Variants in MIX23 observed in about 807,000 individuals in gnomAD.
MIX23 encodes the protein protein MIX23.
Under a neutral mutation model 21.6 loss-of-function variants are expected in MIX23, and 13 were observed. The ratio of observed to expected loss-of-function variants is 0.60; its 90% CI spans 0.39 to 0.96. MIX23 has a LOEUF of 0.96. Ranked by LOEUF, MIX23 falls within the 40% of genes least tolerant of loss-of-function variation. The pLI, the probability that MIX23 is intolerant of heterozygous loss-of-function variation, is 0.00. For synonymous variants in MIX23, 59 were observed against 58.0 expected, an observed-to-expected ratio of 1.02 and a Z score of -0.08; for missense variants, 144 against 171.2, an observed-to-expected ratio of 0.84 and a Z score of 0.89.
intron 1 of MIX23, among the ~76,000 whole-genome samples, chr3:122,379,712 C>T (rs549518436): frequency 2.0e-5 from 3 of 152,328 alleles, no homozygotes; most frequent in South Asian, 4.1e-4. Context: ...GAAATACACA[C>T]AGTTCAATGG....
intron 4 of MIX23, among the ~76,000 whole-genome samples, chr3:122,361,775 T>C (rs1339640221): frequency 1.3e-5 from 2 of 152,080 alleles, no homozygotes; most frequent in Non-Finnish European, 2.9e-5. Flanking sequence ...ATCATGTTGG[T>C]GGAAAGGGCA....
intron 1 of MIX23, among the ~76,000 whole-genome samples, chr3:122,382,160 A>T (rs2075538002): frequency 6.6e-6 from 1 of 152,242 alleles, no homozygotes; most frequent in South Asian, 2.1e-4. Context: ...AGAAGTACTA[A>T]ATCTAATTTT....
intron 1 of MIX23, among the ~76,000 whole-genome samples, chr3:122,380,956 C>CACGTG (rs1166684260): frequency 1.3e-5 from 2 of 152,216 alleles, no homozygotes; most frequent in Admixed American, 1.3e-4. Context: ...CCCTAACTCA[C>CACGTG]ACGTGACACA....
intron 2 of MIX23, among the ~76,000 whole-genome samples, chr3:122,371,343 A>T (rs2075440352): frequency 6.6e-6 from 1 of 152,212 alleles, no homozygotes; most frequent in African/African-American, 2.4e-5. Flanking sequence ...ACGTGCTCAC[A>T]TTCCTTGCTC....
intron 4 of MIX23, 43 bp downstream of exon 4, chr3:122,362,925 G>T: frequency 6.4e-7 from 1 of 1,551,822 alleles, no homozygotes; most frequent in Admixed American, 1.7e-5. Context: ...TGCTAGTTCA[G>T]TTTCCCTCCT....
intron 4 of MIX23, among the ~76,000 whole-genome samples, chr3:122,360,904 C>T (rs902150247): frequency 1.3e-5 from 2 of 152,130 alleles, no homozygotes; most frequent in Non-Finnish European, 2.9e-5. Context: ...AGTGCAATGG[C>T]GTGATCTCGG....
chr3:122,366,371 GAC>G (rs2075397031), intron 3 of MIX23: 1 of 152,192 alleles, frequency 6.6e-6, no homozygotes, highest in South Asian at 2.1e-4. Flanking sequence ...GAGCAGCAAA[GAC>G]AGTGGCTGAG....
intron 1 of MIX23, among the ~76,000 whole-genome samples, chr3:122,379,067 GCTGAAAACTGTATGC>G (rs1351906369): frequency 6.6e-6 from 1 of 152,120 alleles, no homozygotes; most frequent in Admixed American, 6.5e-5. Context: ...TTCAGGAATT[GCTGAAAACTGTATGC>G]CATTCTTAAA....
chr3:122,374,401 TC>T (rs1198879815), intron 1 of MIX23, among the ~76,000 whole-genome samples: 14 of 152,184 alleles, frequency 9.2e-5, no homozygotes, highest in African/African-American at 3.4e-4. Context: ...CCAAGGATGC[TC>T]AAGTCCCTGA....
chr3:122,381,009 A>G (rs1346388845), intron 1 of MIX23, among the ~76,000 whole-genome samples: 3 of 152,120 alleles, frequency 2.0e-5, no homozygotes, highest in Non-Finnish European at 4.4e-5. Flanking sequence ...TGTAATCCCA[A>G]TGTGCCCCTG....
intron 4 of MIX23, among the ~76,000 whole-genome samples, chr3:122,362,347 TC>T (rs369510354): frequency 2.0e-5 from 3 of 152,368 alleles, no homozygotes; most frequent in South Asian, 2.1e-4. Context: ...CCTTGAAGGT[TC>T]TGAGTAGTAA....
At chr3:122,381,521 A>C (rs1371712634) in intron 1 of MIX23, among the ~76,000 whole-genome samples, 1 of 152,066 alleles carries the variant, frequency 6.6e-6, no homozygotes, top group Non-Finnish European at 1.5e-5. Context: ...TGAGGTCTGG[A>C]GTTTGGAACC....
At chr3:122,378,636 T>C (rs1355177609) in intron 1 of MIX23, among the ~76,000 whole-genome samples, 2 of 152,246 alleles carry the variant, frequency 1.3e-5, no homozygotes, top group South Asian at 4.1e-4. Flanking sequence ...ACAGTGATAC[T>C]TGTGTATCTA....
chr3:122,383,029 C>T, intron 1 of MIX23, 145 bp downstream of exon 1: 1 of 1,056,282 alleles, frequency 9.5e-7, no homozygotes, highest in Non-Finnish European at 1.5e-6. Flanking sequence ...CAAACCCGCG[C>T]CCCCCATGAC....
At chr3:122,373,429 C>A (rs937120672) in intron 1 of MIX23, among the ~76,000 whole-genome samples, 7 of 152,038 alleles carry the variant, frequency 4.6e-5, no homozygotes, top group Non-Finnish European at 1.5e-5. Flanking sequence ...GTGCAATACA[C>A]CTTGCTAATT....
intron 3 of MIX23, among the ~76,000 whole-genome samples, chr3:122,367,384 T>A (rs1480302803): frequency 6.6e-6 from 1 of 152,204 alleles, no homozygotes. Flanking sequence ...ATGCTGTATT[T>A]TTCTATTGTT....
At position 122,359,654 on chromosome 3, in the gene MIX23, C is replaced by G; in HGVS notation, c.*215G>C. Reference sequence around the variant, plus strand: ...TTTTTTTTTTTTTTTTTTACAGAATCAGTATAAAATAGCAGTTGATTTCTC... The same window carrying G: ...TTTTTTTTTTTTTTTTTTACAGAATGAGTATAAAATAGCAGTTGATTTCTC... On this transcript the variant is annotated 3_prime_UTR_variant, in exon 5 of 5. Transcript: ENST00000291458. The G allele has an allele frequency of 3.6e-6, 1 of 279,134 alleles. No homozygotes were observed. The allele number at this position is 279,134 out of a possible 1,614,324, so 17.3% of individuals were successfully genotyped here.
At chr3:122,377,699 T>C (rs995729136) in intron 1 of MIX23, among the ~76,000 whole-genome samples, 11 of 152,018 alleles carry the variant, frequency 7.2e-5, no homozygotes, top group African/African-American at 2.7e-4. Flanking sequence ...AGTAAAAAAT[T>C]TAGCCAAGCA....
chr3:122,377,226 A>T (rs996346295), intron 1 of MIX23, among the ~76,000 whole-genome samples: 5 of 152,006 alleles, frequency 3.3e-5, no homozygotes, highest in African/African-American at 1.2e-4. Flanking sequence ...AATTTTTTAA[A>T]TTAGAAAAAA....
Sources: gnomAD v4.1 joint callset for allele counts (sites outside exome capture counted in the v4.1 genomes callset) on GRCh38, gnomAD v4.1.1 for gene constraint, MANE v1.5 for transcripts, NCBI Gene and HGNC (gene_info 2026-07-23, HGNC 2026-07-21) for gene names.